The following DPP4 variants were observed in gnomAD, a reference collection of about 807,000 sequenced individuals.
DPP4 encodes dipeptidyl peptidase 4.
In DPP4, 93 loss-of-function variants were observed where a neutral mutation model predicts 122.4. The ratio of observed to expected loss-of-function variants is 0.76; its 90% CI spans 0.64 to 0.90. The LOEUF is 0.90. Among genes scored for constraint, DPP4 ranks in the 40% least tolerant of loss-of-function variants. DPP4 has a pLI of 0.00. For missense variants in DPP4, 914 were observed against 907.3 expected (o/e 1.01, Z -0.09); for synonymous variants, 321 against 302.9 (o/e 1.06, Z -0.62).
Position 161,992,394 on chromosome 2 carries a change from C to T in DPP4, c.*889G>A, listed in dbSNP as rs1700886615. 1 of 152,446 alleles carries T rather than the reference C, an allele frequency of 6.6e-6. No homozygotes were observed. Among genetic ancestry groups the T allele is most frequent in the African/African-American group, 2.4e-5 (1 of 41,392 alleles). 9.4% of individuals were successfully genotyped at this position (152,446 alleles called of 1,614,324 possible). On this transcript the variant is annotated 3_prime_UTR_variant, in exon 26 of 26. Coordinates refer to ENST00000360534, the MANE Select transcript of DPP4 (RefSeq NM_001935.4). ...AAAATATTCTTTTAATTAAGACACT[C>T]AAAGAAATGAAATAAGAAAAATTGA...
intron 10 of DPP4, among the ~76,000 whole-genome samples, chr2:162,031,393 T>C (rs143743656): frequency 6.6e-6 from 1 of 152,202 alleles, no homozygotes; most frequent in African/African-American, 2.4e-5. Flanking sequence ...TATATCTCAC[T>C]TGAACAAAGG....
intron 2 of DPP4, among the ~76,000 whole-genome samples, chr2:162,052,210 C>A (rs1207123361): frequency 2.0e-5 from 3 of 150,222 alleles, no homozygotes; most frequent in Admixed American, 6.7e-5. Context: ...CCCAGCTACT[C>A]AGGAGGCTGA....
In DPP4 at chr2:162,011,080, G is replaced by A. The variant is rs1040773603; in HGVS notation, c.1832+713C>T. Among the ~76,000 whole-genome samples the A allele has an allele frequency of 5.9e-5, 9 of 152,138 alleles. No individual in the cohort carries two copies. In the South Asian group the frequency reaches 1.0e-3, roughly 18 times the overall value. On this transcript the variant is annotated intron_variant, in intron 20 of 25. Transcript: ENST00000360534. ...GTCTCTATTTATTTAATTAAAATATGGGGTAAGAACACCCACCTCTCGGGG... is the reference window on the plus strand; with the variant it reads ...GTCTCTATTTATTTAATTAAAATATAGGGTAAGAACACCCACCTCTCGGGG...
chr2:162,025,139 A>G (rs923281681), intron 10 of DPP4, among the ~76,000 whole-genome samples, 200 bp from the exon 11 acceptor site: 4 of 152,190 alleles, frequency 2.6e-5, no homozygotes, highest in Admixed American at 2.6e-4. Context: ...TGGAATGAAA[A>G]TTAAAATATA....
chr2:162,053,338 G>A (rs1684450336), intron 2 of DPP4, among the ~76,000 whole-genome samples: 1 of 152,234 alleles, frequency 6.6e-6, no homozygotes, highest in Admixed American at 6.5e-5. Flanking sequence ...CCTAGGCCAG[G>A]GGTGTCCAAT....
In DPP4 at chr2:161,993,514, G is replaced by GT. The variant is rs1700917114; in HGVS notation, c.2200-131dup. On this transcript the variant is annotated intron_variant, in intron 25 of 25. Coordinates refer to ENST00000360534, the MANE Select transcript of DPP4 (RefSeq NM_001935.4). ...ACAGAGTGTTTTAATTCCTGAGGCA[G>GT]TTTATAAACTGAAACGGGGTCAAAG... 3 of 627,366 alleles carry GT rather than the reference G, an allele frequency of 4.8e-6. No homozygotes were observed. The Admixed American group carries it at 8.2e-5, about 17-fold the overall frequency. 38.9% of individuals were successfully genotyped at this position (627,366 alleles called of 1,614,324 possible).
intron 13 of DPP4, 21 bp from the exon 14 acceptor site, chr2:162,020,317 T>TAA: frequency 7.3e-7 from 1 of 1,374,562 alleles, no homozygotes; most frequent in Non-Finnish European, 9.8e-7. Flanking sequence ...TTTTTTTTTT[T>TAA]CAAAAAAAAA....
intron 4 of DPP4, among the ~76,000 whole-genome samples, chr2:162,045,946 G>A (rs1292323091): frequency 6.6e-6 from 1 of 152,176 alleles, no homozygotes; most frequent in Admixed American, 6.5e-5. Context: ...CTCTTTAAGG[G>A]TCATGTGTAA....
At chr2:162,069,879 T>G (rs902107029) in intron 2 of DPP4, among the ~76,000 whole-genome samples, 2 of 152,150 alleles carry the variant, frequency 1.3e-5, no homozygotes, top group African/African-American at 2.4e-5. Flanking sequence ...AAAGAAGGTA[T>G]AGAAGAAATT....
At chr2:162,022,617 A>G (rs1020132132) in intron 12 of DPP4, 138 bp downstream of exon 12, 1 of 782,106 alleles carries the variant, frequency 1.3e-6, no homozygotes. Context: ...TATAGGGAGC[A>G]TTTACATATT....
intron 22 of DPP4, among the ~76,000 whole-genome samples, chr2:162,007,390 T>A (rs1359525854): frequency 9.2e-5 from 14 of 152,084 alleles, no homozygotes; most frequent in Admixed American, 9.2e-4. Context: ...GATCTGAAAT[T>A]TTAAAAATAA....
At chr2:162,042,162 G>A (rs1335437507) in intron 5 of DPP4, among the ~76,000 whole-genome samples, 3 of 152,208 alleles carry the variant, frequency 2.0e-5, no homozygotes, top group Non-Finnish European at 4.4e-5. Flanking sequence ...CTTTCACTGT[G>A]TAACATGAAG....
At chr2:162,071,157 C>T (rs577947070) in intron 2 of DPP4, among the ~76,000 whole-genome samples, 2 of 152,172 alleles carry the variant, frequency 1.3e-5, no homozygotes, top group South Asian at 4.1e-4. Context: ...TGCATCATCT[C>T]CAGCTTAGAA....
chr2:162,028,192 T>G (rs1489869912), intron 10 of DPP4, among the ~76,000 whole-genome samples: 1 of 152,062 alleles, frequency 6.6e-6, no homozygotes, highest in East Asian at 1.9e-4. Flanking sequence ...TGATACCCTG[T>G]GTCTACTAAA....
intron 10 of DPP4, among the ~76,000 whole-genome samples, chr2:162,031,688 G>A (rs553966058): frequency 5.0e-4 from 76 of 152,130 alleles, no homozygotes; most frequent in African/African-American, 1.7e-3. Context: ...TCCTGGGGTC[G>A]TGAAAACCCC....
chr2:162,019,154 TA>T, intron 15 of DPP4, 68 bp downstream of exon 15: 1 of 1,393,720 alleles, frequency 7.2e-7, no homozygotes, highest in Non-Finnish European at 1.0e-6. Flanking sequence ...AGGCAAAAAA[TA>T]AAAATAGAGT....
chr2:162,033,499 T>G (rs202109025), intron 10 of DPP4, 42 bp downstream of exon 10: 2 of 1,520,646 alleles, frequency 1.3e-6, no homozygotes, highest in Non-Finnish European at 1.8e-6. Context: ...CTAGAAAGTG[T>G]AAAACTGTTT....
chr2:162,009,823 G>A (rs955035384), intron 20 of DPP4, among the ~76,000 whole-genome samples: 5 of 152,046 alleles, frequency 3.3e-5, no homozygotes, highest in African/African-American at 1.2e-4. Flanking sequence ...AGTTAGCTCA[G>A]TACCGTGCAC....
chr2:162,053,363 G>A (rs1304459246), intron 2 of DPP4, among the ~76,000 whole-genome samples: 4 of 152,172 alleles, frequency 2.6e-5, no homozygotes, highest in African/African-American at 7.2e-5. Flanking sequence ...TGGTTTCCCT[G>A]GGCCACGTGA....
Sources: gnomAD v4.1 joint callset for allele counts (sites outside exome capture counted in the v4.1 genomes callset) on GRCh38, gnomAD v4.1.1 for gene constraint, MANE v1.5 for transcripts, NCBI Gene and HGNC (gene_info 2026-07-23, HGNC 2026-07-21) for gene names.